Variants in XRCC6 observed in about 807,000 individuals in gnomAD.
XRCC6 encodes X-ray repair cross complementing 6, also known as DNA repair protein Ku70.
A neutral mutation model predicts 65.7 loss-of-function variants in XRCC6; 5 were observed. The ratio of observed to expected loss-of-function variants is 0.08; its 90% CI spans 0.04 to 0.16. XRCC6 has a LOEUF of 0.16. XRCC6 is among the 10% of genes least tolerant of loss of function. The pLI is 1.00. For synonymous variants in XRCC6, 270 were observed against 270.6 expected (o/e 1.00, Z 0.02); for missense variants, 447 against 738.1 (o/e 0.61, Z 4.57).
At chr22:41,629,983 CT>C (rs60191841) in intron 3 of XRCC6, among the ~76,000 whole-genome samples, 408 of 93,538 alleles carry the variant, frequency 4.4e-3, no homozygotes, top group African/African-American at 5.9e-3. Context: ...TGCATTTATG[CT>C]TTTTTTTTTT....
At chr22:41,653,135 G>A (rs1470132595) in intron 8 of XRCC6, among the ~76,000 whole-genome samples, 1 of 152,114 alleles carries the variant, frequency 6.6e-6, no homozygotes, top group Non-Finnish European at 1.5e-5. Flanking sequence ...TTGGTGTGGT[G>A]GCTCATGCCT....
chr22:41,631,326 C>G (rs1032303117), intron 3 of XRCC6, among the ~76,000 whole-genome samples: 15 of 151,430 alleles, frequency 9.9e-5, no homozygotes, highest in Non-Finnish European at 2.2e-4. Context: ...TCCTCACTTC[C>G]CAGATGGGGT....
chr22:41,639,323 C>CTTTTTCT (rs2067846893), intron 6 of XRCC6, among the ~76,000 whole-genome samples: 1 of 59,086 alleles, frequency 1.7e-5, no homozygotes, highest in Middle Eastern at 9.6e-3. Flanking sequence ...TTGCTAGATT[C>CTTTTTCT]TTTTTCTTTT....
chr22:41,639,667 C>CCTTTTTTTTTTT (rs2067852932), intron 6 of XRCC6, among the ~76,000 whole-genome samples: 1 of 81,050 alleles, frequency 1.2e-5, no homozygotes, highest in Non-Finnish European at 2.3e-5. Context: ...GATTCTCTCT[C>CCTTTTTTTTTTT]TTTTTTTTTT....
At chr22:41,623,629 C>T (rs184692013) in intron 2 of XRCC6, among the ~76,000 whole-genome samples, 68 of 152,180 alleles carry the variant, frequency 4.5e-4, no homozygotes, top group African/African-American at 1.4e-3. Context: ...CCTTGTGATC[C>T]GCCCTACTCA....
At chr22:41,622,577 T>C (rs2067621171) in intron 2 of XRCC6, among the ~76,000 whole-genome samples, 1 of 151,968 alleles carries the variant, frequency 6.6e-6, no homozygotes, top group African/African-American at 2.4e-5. Context: ...GGAAGAGAAA[T>C]AGGGGTACAT....
At chr22:41,639,667 C>CTTTTTTTTTTTTTTTTTTT (rs71184825) in intron 6 of XRCC6, among the ~76,000 whole-genome samples, 8 of 81,044 alleles carry the variant, frequency 9.9e-5, no homozygotes, top group Non-Finnish European at 1.6e-4. Flanking sequence ...GATTCTCTCT[C>CTTTTTTTTTTTTTTTTTTT]TTTTTTTTTT....
intron 1 of XRCC6, 78 bp from the exon 2 acceptor site, chr22:41,621,912 A>C: frequency 7.2e-7 from 1 of 1,384,524 alleles, no homozygotes; most frequent in Non-Finnish European, 1.0e-6. Context: ...CTTTTAGAAC[A>C]GATCTCACAA....
At chr22:41,621,573 C>CGGCCCGCCTGCGCTTGA (rs1349062036) in intron 1 of XRCC6, 4 of 166,846 alleles carry the variant, frequency 2.4e-5, no homozygotes, top group African/African-American at 7.2e-5. Context: ...CCTGCGCTTG[C>CGGCCCGCCTGCGCTTGA]GGCCCGCCTG....
chr22:41,641,660 A>G (rs570211695), intron 6 of XRCC6, among the ~76,000 whole-genome samples: 5 of 152,154 alleles, frequency 3.3e-5, no homozygotes, highest in South Asian at 2.1e-4. Flanking sequence ...CATGAGTTCA[A>G]TTGCTTTACT....
chr22:41,630,647 C>T (rs922412422), intron 3 of XRCC6, among the ~76,000 whole-genome samples: 8 of 151,778 alleles, frequency 5.3e-5, no homozygotes, highest in African/African-American at 1.9e-4. Flanking sequence ...GACCCTGAGG[C>T]CTTCCGCAGT....
At chr22:41,659,753 C>G (rs186316315) in intron 11 of XRCC6, among the ~76,000 whole-genome samples, 1 of 151,696 alleles carries the variant, frequency 6.6e-6, no homozygotes, top group African/African-American at 2.4e-5. Flanking sequence ...GGTGGGATCT[C>G]GGCTCACTGA....
chr22:41,644,245 T>C (rs1031422703), intron 6 of XRCC6, among the ~76,000 whole-genome samples: 7 of 152,222 alleles, frequency 4.6e-5, no homozygotes, highest in African/African-American at 1.4e-4. Context: ...CCCACATTTC[T>C]TTCTGTTGTG....
intron 9 of XRCC6, among the ~76,000 whole-genome samples, chr22:41,656,572 A>C (rs987250824): frequency 7.0e-6 from 1 of 143,376 alleles, no homozygotes; most frequent in African/African-American, 3.0e-5. Flanking sequence ...AACGTATGAC[A>C]TGGACAAACA....
intron 6 of XRCC6, among the ~76,000 whole-genome samples, chr22:41,645,494 ACT>A (rs1164741301): frequency 6.6e-6 from 1 of 151,778 alleles, no homozygotes; most frequent in Non-Finnish European, 1.5e-5. Context: ...AGAGACCCCG[ACT>A]CTCAGATGAG....
chr22:41,621,444 G>A (rs1418636300), intron 1 of XRCC6, 99 bp downstream of exon 1: 3 of 164,166 alleles, frequency 1.8e-5, no homozygotes, highest in Admixed American at 1.8e-4. Flanking sequence ...CCTTGCTAGA[G>A]GGTTAGCGTT....
chr22:41,622,605 T>A (rs2067621583), intron 2 of XRCC6, among the ~76,000 whole-genome samples: 1 of 152,126 alleles, frequency 6.6e-6, no homozygotes, highest in South Asian at 2.1e-4. Context: ...TCATACTGGT[T>A]AATTTAACTC....
At chr22:41,656,440 C>T (rs971639495) in intron 9 of XRCC6, among the ~76,000 whole-genome samples, 1 of 151,624 alleles carries the variant, frequency 6.6e-6, no homozygotes, top group African/African-American at 2.4e-5. Context: ...CCGCTTGAAC[C>T]TGGGAGGCGG....
rs754380678 is a variant in XRCC6, at chr22:41,658,303, G to T, written c.1473G>T (p.Glu491Asp). The change falls in exon 11 of 13, where the codon GAG becomes GAT. Residue 491 changes from glutamate to aspartate, a missense_variant. Glu to Asp is a conservative substitution (Grantham distance 45). Transcript: ENST00000360079. ...TGCAGCAGCACTTCAGGAACCTGGA[G>T]GCCTTGGCCTTGGATTTGATGGAGC... The part of the protein sequence containing the change: ...PVLQQHFRNL[E>D]ALALDLMEPE... 6.2e-7 allele frequency: 1 copy of T among 1,614,072 alleles called. No individual in the cohort carries two copies. The highest frequency in any genetic ancestry group is 8.5e-7 in the Non-Finnish European group (1 of 1,180,004).
Sources: gnomAD v4.1 joint callset for allele counts (sites outside exome capture counted in the v4.1 genomes callset) on GRCh38, gnomAD v4.1.1 for gene constraint, MANE v1.5 for transcripts, NCBI Gene and HGNC (gene_info 2026-07-23, HGNC 2026-07-21) for gene names.